HOXC5: variants seen among roughly 807,000 people sequenced by gnomAD.
The protein encoded by HOXC5 is homeobox C5, also known as homeobox protein Hox-C5.
HOXC5 carries 19 observed loss-of-function variants against 20.1 expected under a neutral mutation model. That is an observed-to-expected ratio of 0.94 (90% CI 0.66 to 1.38). HOXC5 has a LOEUF of 1.38. HOXC5 is among the 40% of genes most tolerant of loss of function. The probability of loss-of-function intolerance (pLI) is 0.00; values close to 1 mark genes in which losing one functional copy is unlikely to be tolerated. For synonymous variants in HOXC5, 124 were observed against 117.0 expected (o/e 1.06, Z -0.39); for missense variants, 330 against 300.1 (o/e 1.10, Z -0.74).
chr12:54,029,026 A>ACAATCAC, upstream of HOXC5: 1 of 1,117,538 alleles, frequency 8.9e-7, no homozygotes, highest in Non-Finnish European at 1.3e-6. Context: ...CCCCATAAAA[A>ACAATCAC]CAATCACGCT....
At chr12:54,033,686 T>C (rs1941081591) in intron 1 of HOXC5, 110 bp downstream of exon 1, 3 of 944,994 alleles carry the variant, frequency 3.2e-6, no homozygotes, top group Non-Finnish European at 4.6e-6. Flanking sequence ...GATCCAGGCA[T>C]CAATGGCTCG....
chr12:54,018,714 G>C, the HOXC5 span, among the ~76,000 whole-genome samples: 41 of 152,064 alleles, frequency 2.7e-4, 1 homozygote, highest in East Asian at 3.1e-3. Context: ...TATAAACGGC[G>C]ACGCACACGC....
At chr12:54,024,655 GGTCCA>G in the HOXC5 span, among the ~76,000 whole-genome samples, 1 of 152,130 alleles carries the variant, frequency 6.6e-6, no homozygotes, top group African/African-American at 2.4e-5. Context: ...CTTCAGGCTG[GGTCCA>G]GTCCCACCCA....
the HOXC5 span, among the ~76,000 whole-genome samples, chr12:54,017,912 T>C: frequency 6.9e-6 from 1 of 145,072 alleles, no homozygotes. Context: ...GGCAGCCCCC[T>C]CCCTCCCAGA....
chr12:54,034,572 T>C lies in HOXC5; in HGVS notation c.*80T>C. The C allele has an allele frequency of 8.1e-7, 1 of 1,241,630 alleles. No homozygotes were observed. The highest frequency in any genetic ancestry group is 1.1e-6 in the Non-Finnish European group (1 of 871,894). 76.9% of individuals were successfully genotyped at this position (1,241,630 alleles called of 1,614,324 possible). ...CTTTCCTTTTCGCCTTTCCTCTCTA[T>C]ATTTCGGGTCGGGGGCAGGTGCTGG... On this transcript the variant is annotated 3_prime_UTR_variant, in exon 2 of 2. Transcript: ENST00000312492.
At chr12:54,030,881 G>C (rs1180487333), upstream of HOXC5, 2 of 152,258 alleles carry the variant, frequency 1.3e-5, no homozygotes, top group East Asian at 1.9e-4. Context: ...GCTGGAGCAG[G>C]CTCCAAGCGC....
chr12:54,018,340 T>A, the HOXC5 span, among the ~76,000 whole-genome samples: 1 of 151,976 alleles, frequency 6.6e-6, no homozygotes, highest in Admixed American at 6.5e-5. Flanking sequence ...AGGACCTGCC[T>A]CGCCTCGGGG....
At chr12:54,034,150 G>T in intron 1 of HOXC5, 128 bp from the exon 2 acceptor site, 2 of 910,704 alleles carry the variant, frequency 2.2e-6, no homozygotes, top group Non-Finnish European at 3.6e-6. Context: ...TGCGGCCCGC[G>T]TGGCCTGTCT....
the HOXC5 span, among the ~76,000 whole-genome samples, chr12:54,024,000 T>G: frequency 6.6e-6 from 1 of 152,174 alleles, no homozygotes; most frequent in Non-Finnish European, 1.5e-5. Context: ...CACCAGGCAT[T>G]TGGAGTAGAA....
At position 54,033,083 on chromosome 12, in the gene HOXC5, A is replaced by G. The variant is rs760259017; in HGVS notation, c.-40A>G. On this transcript the variant is annotated 5_prime_UTR_variant, in exon 1 of 2. Coordinates refer to ENST00000312492, the MANE Select transcript of HOXC5 (RefSeq NM_018953.4). ...TTCAAAGAGTCACAAATCACCCTTA[A>G]TCAAAAAGGGTGCAGAAATTTTTTT... is the stretch of plus-strand genomic sequence containing the variant. 3.1e-5 allele frequency: 48 copies of G among 1,537,192 alleles called. No homozygotes were observed. The highest frequency in any genetic ancestry group is 4.0e-5 in the Non-Finnish European group (45 of 1,120,528).
chr12:54,026,264 A>G, the HOXC5 span, among the ~76,000 whole-genome samples: 1 of 152,114 alleles, frequency 6.6e-6, no homozygotes, highest in African/African-American at 2.4e-5. Flanking sequence ...CTCAGTCCCC[A>G]GAGTACTCCT....
the HOXC5 span, among the ~76,000 whole-genome samples, chr12:54,017,892 C>T: frequency 2.0e-5 from 3 of 152,324 alleles, no homozygotes; most frequent in African/African-American, 7.2e-5. Context: ...CCAGCTTCCC[C>T]TCCCTGTCTG....
upstream of HOXC5, chr12:54,028,417 T>G (rs1940826895): frequency 7.9e-7 from 1 of 1,262,676 alleles, no homozygotes; most frequent in Admixed American, 2.4e-5. Flanking sequence ...TCATTTTGTC[T>G]GTCCTGGATT....
chr12:54,033,075 C>T lies in HOXC5; in HGVS notation c.-48C>T, dbSNP rs774128005. ...CCCTCAACTTCAAAGAGTCACAAAT[C>T]ACCCTTAATCAAAAAGGGTGCAGAA... On this transcript the variant is annotated 5_prime_UTR_variant, in exon 1 of 2. Transcript: ENST00000312492. The T allele has an allele frequency of 6.1e-6, 9 of 1,482,032 alleles. No homozygotes were observed. Among genetic ancestry groups the T allele is most frequent in the Non-Finnish European group, 7.4e-6 (8 of 1,078,306 alleles). 91.8% of individuals were successfully genotyped at this position (1,482,032 alleles called of 1,614,324 possible). A position where few individuals can be genotyped will look rare whatever the true frequency, so the allele number is the denominator to read the frequency against.
chr12:54,028,702 G>A (rs778234830), upstream of HOXC5: 4 of 1,613,946 alleles, frequency 2.5e-6, no homozygotes, highest in South Asian at 2.2e-5. Context: ...ACAGGAGAAT[G>A]TCGTGTTCAG....
chr12:54,033,076 A>G lies in HOXC5; in HGVS notation c.-47A>G. ...CCTCAACTTCAAAGAGTCACAAATC[A>G]CCCTTAATCAAAAAGGGTGCAGAAA... On this transcript the variant is annotated 5_prime_UTR_variant, in exon 1 of 2. Coordinates refer to ENST00000312492, the MANE Select transcript of HOXC5 (RefSeq NM_018953.4). 6.7e-7 allele frequency: 1 copy of G among 1,488,888 alleles called. No individual in the cohort carries two copies. Among genetic ancestry groups the G allele is most frequent in the Non-Finnish European group, 9.2e-7 (1 of 1,083,856 alleles). 92.2% of individuals were successfully genotyped at this position (1,488,888 alleles called of 1,614,324 possible).
At chr12:54,032,500 C>T (rs1341250485), upstream of HOXC5, among the ~76,000 whole-genome samples, 1 of 152,248 alleles carries the variant, frequency 6.6e-6, no homozygotes, top group Non-Finnish European at 1.5e-5. Context: ...CCTTACCTAA[C>T]TTAATCCCCT....
the HOXC5 span, among the ~76,000 whole-genome samples, chr12:54,017,978 G>A: frequency 5.3e-5 from 8 of 152,316 alleles, 1 homozygote; most frequent in South Asian, 4.1e-4. Flanking sequence ...CCGGGCCGCC[G>A]AGCAGGAAGC....
the HOXC5 span, chr12:54,019,996 C>G: frequency 6.6e-6 from 1 of 152,102 alleles, no homozygotes; most frequent in Admixed American, 6.6e-5. Context: ...TAAACTGGAC[C>G]CCAGTGGACT....
Sources: gnomAD v4.1 joint callset for allele counts (sites outside exome capture counted in the v4.1 genomes callset) on GRCh38, gnomAD v4.1.1 for gene constraint, MANE v1.5 for transcripts, NCBI Gene and HGNC (gene_info 2026-07-23, HGNC 2026-07-21) for gene names.